MORN3: variants seen among roughly 807,000 people sequenced by gnomAD.
MORN3 encodes the protein MORN repeat containing 3, also known as MORN repeat-containing protein 3.
Under a neutral mutation model 34.7 loss-of-function variants are expected in MORN3, and 38 were observed. The observed-to-expected ratio is 1.10, with a 90% CI of 0.85 to 1.44. The LOEUF (loss-of-function observed/expected upper bound fraction) is 1.44. MORN3 is among the 40% of genes most tolerant of loss of function. The pLI, the probability that MORN3 is intolerant of heterozygous loss-of-function variation, is 0.00. For synonymous variants in MORN3, 109 were observed against 115.3 expected (o/e 0.95, Z 0.35); for missense variants, 311 against 321.7 (o/e 0.97, Z 0.25).
chr12:121,670,580 G>A (rs1466151389), upstream of MORN3, among the ~76,000 whole-genome samples: 3 of 151,958 alleles, frequency 2.0e-5, no homozygotes, highest in Non-Finnish European at 2.9e-5. Flanking sequence ...AGGCCGAGGC[G>A]GGTGGATCAC....
chr12:121,664,219 G>A (rs1446240860), intron 1 of MORN3, among the ~76,000 whole-genome samples: 1 of 152,164 alleles, frequency 6.6e-6, no homozygotes, highest in Non-Finnish European at 1.5e-5. Flanking sequence ...ATCCCACCAT[G>A]GCTGAACTTG....
At chr12:121,661,296 C>G (rs997582608) in intron 1 of MORN3, among the ~76,000 whole-genome samples, 1 of 152,028 alleles carries the variant, frequency 6.6e-6, no homozygotes, top group African/African-American at 2.4e-5. Context: ...GCTATGTTAC[C>G]CAGGCTGGTC....
intron 1 of MORN3, 72 bp from the exon 2 acceptor site, chr12:121,659,420 C>T: frequency 1.3e-6 from 2 of 1,563,030 alleles, no homozygotes; most frequent in Non-Finnish European, 1.7e-6. Flanking sequence ...CTGCCTGAGC[C>T]TCAGGGGCCC....
chr12:121,666,241 T>C (rs2954116), intron 1 of MORN3, among the ~76,000 whole-genome samples: 76,436 of 151,732 alleles, frequency 0.5, 20,625 homozygotes, highest in African/African-American at 0.71. Context: ...AAGCAGGCCT[T>C]GAACTCCTGG....
At chr12:121,661,463 T>TG (rs1893578359) in intron 1 of MORN3, among the ~76,000 whole-genome samples, 1 of 152,194 alleles carries the variant, frequency 6.6e-6, no homozygotes, top group South Asian at 2.1e-4. Context: ...TCTGGGTCCT[T>TG]GGTAACCCAG....
upstream of MORN3, among the ~76,000 whole-genome samples, chr12:121,669,833 T>TAAAA (rs199792815): frequency 9.6e-6 from 1 of 103,660 alleles, no homozygotes; most frequent in African/African-American, 4.7e-5. Context: ...TATATATATA[T>TAAAA]TTTTTTTTTT....
At chr12:121,655,110 G>A (rs1277985219) in intron 2 of MORN3, among the ~76,000 whole-genome samples, 2 of 151,810 alleles carry the variant, frequency 1.3e-5, no homozygotes, top group African/African-American at 4.8e-5. Flanking sequence ...CACTTTAGGA[G>A]GCTGAGGTGG....
intron 1 of MORN3, among the ~76,000 whole-genome samples, chr12:121,660,261 T>TCAAACAAA (rs113332479): frequency 2.5e-4 from 38 of 149,948 alleles, no homozygotes; most frequent in Admixed American, 1.4e-3. Context: ...CATCTCAAAA[T>TCAAACAAA]CAAACAAACA....
intron 2 of MORN3, among the ~76,000 whole-genome samples, chr12:121,655,475 C>T (rs1233898270): frequency 2.0e-5 from 3 of 151,222 alleles, no homozygotes; most frequent in South Asian, 2.1e-4. Flanking sequence ...TTTGGGAGGC[C>T]GAGGCAGATG....
At chr12:121,664,793 G>A (rs373876832) in intron 1 of MORN3, among the ~76,000 whole-genome samples, 41 of 142,604 alleles carry the variant, frequency 2.9e-4, no homozygotes, top group African/African-American at 7.9e-4. Flanking sequence ...GTCCCTAAAG[G>A]AAATAAAACC....
At chr12:121,655,466 T>C (rs1893389448) in intron 2 of MORN3, among the ~76,000 whole-genome samples, 1 of 152,088 alleles carries the variant, frequency 6.6e-6, no homozygotes, top group South Asian at 2.1e-4. Flanking sequence ...TCCCAGCACT[T>C]TGGGAGGCCG....
intron 1 of MORN3, among the ~76,000 whole-genome samples, chr12:121,663,838 G>T (rs1411111409): frequency 6.6e-6 from 1 of 151,870 alleles, no homozygotes; most frequent in African/African-American, 2.4e-5. Flanking sequence ...CCATGGTCTG[G>T]TAGGGCCCAA....
At position 121,669,576 on chromosome 12, in the gene MORN3, C is replaced by T; in HGVS notation, c.-93G>A. ...CCGTGTAATGCCGGGATCCTGAGCTCAAGTGGGGAGAGTCATGTGTGTTCT... is the reference window on the plus strand; with the variant it reads ...CCGTGTAATGCCGGGATCCTGAGCTTAAGTGGGGAGAGTCATGTGTGTTCT... On this transcript the variant is annotated 5_prime_UTR_variant, in exon 1 of 6. The change abolishes the stop of an existing upstream ORF in the 5' untranslated region. Coordinates refer to ENST00000355329, the MANE Select transcript of MORN3 (RefSeq NM_173855.5). 3.2e-6 allele frequency: 5 copies of T among 1,541,714 alleles called. No individual in the cohort carries two copies. The highest frequency in any genetic ancestry group is 4.4e-6 in the Non-Finnish European group (5 of 1,131,328).
chr12:121,652,915 C>T, intron 4 of MORN3, 107 bp from the exon 5 acceptor site: 8 of 1,444,922 alleles, frequency 5.5e-6, no homozygotes, highest in Non-Finnish European at 6.7e-6. Flanking sequence ...TCATCAGGAG[C>T]CACCTCCCTT....
At chr12:121,654,059 A>T (rs1418018799) in intron 3 of MORN3, among the ~76,000 whole-genome samples, 1 of 152,100 alleles carries the variant, frequency 6.6e-6, no homozygotes, top group African/African-American at 2.4e-5. Flanking sequence ...TGCGTGTCCT[A>T]AAAATTTCAT....
At position 121,669,322 on chromosome 12, in the gene MORN3, C is replaced by G; in HGVS notation, c.145+17G>C. 6.2e-7 allele frequency: 1 copy of G among 1,612,278 alleles called. No individual in the cohort carries two copies. Among genetic ancestry groups the G allele is most frequent in the Non-Finnish European group, 8.5e-7 (1 of 1,178,874 alleles). ...CTCTGACCCCACTCCGGCCGCCCGT[C>G]CCGGAGTCCCACTCACCGTGTTTCA... is the stretch of plus-strand genomic sequence containing the variant. On this transcript the variant is annotated intron_variant, in intron 1 of 5. Coordinates refer to ENST00000355329, the MANE Select transcript of MORN3 (RefSeq NM_173855.5).
upstream of MORN3, among the ~76,000 whole-genome samples, chr12:121,670,326 T>C (rs373720289): frequency 5.1e-4 from 77 of 152,220 alleles, no homozygotes; most frequent in East Asian, 1.7e-3. Flanking sequence ...GCCGTTGGGA[T>C]TTTTTCTTCT....
chr12:121,657,116 C>A (rs1893437517), intron 2 of MORN3, among the ~76,000 whole-genome samples: 1 of 152,180 alleles, frequency 6.6e-6, no homozygotes. Context: ...ATGTCCATTC[C>A]TGGGCTTAAG....
chr12:121,672,111 C>G (rs1211572313), upstream of MORN3, among the ~76,000 whole-genome samples: 1 of 152,096 alleles, frequency 6.6e-6, no homozygotes, highest in Non-Finnish European at 1.5e-5. Context: ...AGTCCTAACA[C>G]CTGAGCTGTT....
Sources: allele counts gnomAD v4.1 joint callset (sites outside exome capture counted in the v4.1 genomes callset), GRCh38; gene constraint gnomAD v4.1.1; transcripts MANE v1.5; gene names NCBI Gene and HGNC (gene_info 2026-07-23, HGNC 2026-07-21).